The following MFAP2 variants were observed in gnomAD, a reference collection of about 807,000 sequenced individuals.
The protein encoded by MFAP2 is microfibrillar-associated protein 2.
A neutral mutation model predicts 30.6 loss-of-function variants in MFAP2; 23 were observed. The observed-to-expected ratio is 0.75, with a 90% CI of 0.54 to 1.07. The LOEUF (loss-of-function observed/expected upper bound fraction) is 1.07, where lower values mean the gene tolerates loss of function less well. Ranked by LOEUF, MFAP2 falls within the 50% of genes least tolerant of loss-of-function variation. The probability of loss-of-function intolerance (pLI) is 0.00; values close to 1 mark genes in which losing one functional copy is unlikely to be tolerated. For synonymous variants in MFAP2, 73 were observed against 85.7 expected (o/e 0.85, Z 0.82); for missense variants, 198 against 223.8 (o/e 0.88, Z 0.74).
chr1:16,976,358 A>T lies in MFAP2; in HGVS notation c.286+143T>A. ...GCTGCCTGGGGGGCCTGGTGATGCC[A>T]GCCTACGGCAGTCATACTGCCCACA... On this transcript the variant is annotated intron_variant, in intron 6 of 8. Transcript: ENST00000375535. This position sits in a 1 kb window ranked among gnomAD's most constrained non-coding sequence, Gnocchi z 5.5. 1 of 1,053,208 alleles carries T rather than the reference A, an allele frequency of 9.5e-7. No homozygotes were observed. Among genetic ancestry groups the T allele is most frequent in the Non-Finnish European group, 1.4e-6 (1 of 689,758 alleles). The allele number at this position is 1,053,208 out of a possible 1,614,324, so 65.2% of individuals were successfully genotyped here. A position where few individuals can be genotyped will look rare whatever the true frequency, so the allele number is the denominator to read the frequency against.
At position 16,980,375 on chromosome 1, in the gene MFAP2, G is replaced by A. The variant is rs55750792; in HGVS notation, c.-42+212C>T. ...GGCTCCCCCCAAACTCGGGCTCCCC[G>A]CCCTTCCCAATTCGCGTTCTCTCTG... is the stretch of plus-strand genomic sequence containing the variant. On this transcript the variant is annotated intron_variant, in intron 1 of 8. Transcript: ENST00000375535. Among the ~76,000 whole-genome samples the A allele has an allele frequency of 0.41, 61,387 of 150,196 alleles. 14,009 individuals are homozygous for A. The highest frequency in any genetic ancestry group is 0.52 in the Non-Finnish European group (35,154 of 67,552).
chr1:16,977,392 C>T (rs887812846), intron 2 of MFAP2, 194 bp from the exon 3 acceptor site: 1 of 594,296 alleles, frequency 1.7e-6, no homozygotes, highest in Non-Finnish European at 3.0e-6. Context: ...GGGTCACCTC[C>T]CTGACCTTAC....
intron 1 of MFAP2, 63 bp from the exon 2 acceptor site, chr1:16,978,377 T>C (rs2076610758): frequency 7.3e-7 from 1 of 1,368,302 alleles, no homozygotes. Flanking sequence ...GAGCTCACCT[T>C]TGATCCCCTG....
At chr1:16,980,054 C>A (rs1470795713) in intron 1 of MFAP2, among the ~76,000 whole-genome samples, 4 of 151,840 alleles carry the variant, frequency 2.6e-5, no homozygotes, top group African/African-American at 9.7e-5. Context: ...GGACAGGGGG[C>A]CCCGACGCTC....
chr1:16,980,242 T>A, intron 1 of MFAP2, among the ~76,000 whole-genome samples: 1 of 147,542 alleles, frequency 6.8e-6, no homozygotes, highest in Non-Finnish European at 1.5e-5. Flanking sequence ...TCTCTCTGCG[T>A]CTCTGTCTCG....
At chr1:16,981,089 T>C (rs1402104027), upstream of MFAP2, among the ~76,000 whole-genome samples, 1 of 152,198 alleles carries the variant, frequency 6.6e-6, no homozygotes, top group African/African-American at 2.4e-5. Context: ...CCTCCTCTCC[T>C]ACACTGCTGA....
Position 16,975,110 on chromosome 1 carries a change from T to C in MFAP2, c.449-87A>G, listed in dbSNP as rs950551576. ...TCCCCCAACTCTGGTGATGGGAGTGTTTTGAGGATGAAAAGTAGCAAGGAG... is the reference window on the plus strand; with the variant it reads ...TCCCCCAACTCTGGTGATGGGAGTGCTTTGAGGATGAAAAGTAGCAAGGAG... On this transcript the variant is annotated intron_variant, in intron 8 of 8. Transcript: ENST00000375535. The surrounding 1 kb of genome is among the most constrained non-coding windows in gnomAD (Gnocchi z 5.0). 2 of 1,363,396 alleles carry C rather than the reference T, an allele frequency of 1.5e-6. No individual in the cohort carries two copies. Among genetic ancestry groups the C allele is most frequent in the Admixed American group, 3.9e-5 (2 of 50,692 alleles). The allele number at this position is 1,363,396 out of a possible 1,614,324, so 84.5% of individuals were successfully genotyped here.
chr1:16,976,321 G>A lies in MFAP2; in HGVS notation c.286+180C>T. ...CAGCCAGGCACACTGGGGACAGGTG[G>A]GACCTCCTGGAGCTGCCTGGGGGGC... On this transcript the variant is annotated intron_variant, in intron 6 of 8. Coordinates refer to ENST00000375535, the MANE Select transcript of MFAP2 (RefSeq NM_002403.4). The surrounding 1 kb of genome is among the most constrained non-coding windows in gnomAD (Gnocchi z 5.5). The A allele has an allele frequency of 1.2e-5, 9 of 740,996 alleles. No individual in the cohort carries two copies. The South Asian group carries it at 1.5e-4, about 12-fold the overall frequency. 45.9% of individuals were successfully genotyped at this position (740,996 alleles called of 1,614,324 possible). A position where few individuals can be genotyped will look rare whatever the true frequency, so the allele number is the denominator to read the frequency against.
In MFAP2 at chr1:16,975,602, A is replaced by G. The variant is rs1034016067; in HGVS notation, c.374+41T>C. On this transcript the variant is annotated intron_variant, in intron 7 of 8. Transcript: ENST00000375535. This position sits in a 1 kb window ranked among gnomAD's most constrained non-coding sequence, Gnocchi z 5.0. ...TGTCCCCTGTGCCCTCTAGCCCCCC[A>G]TGCTCCGGAATCCTCCCGACAGCTG... is the stretch of plus-strand genomic sequence containing the variant. The G allele has an allele frequency of 5.6e-6, 9 of 1,596,720 alleles. No individual in the cohort carries two copies. Among genetic ancestry groups the G allele is most frequent in the South Asian group, 5.5e-5 (5 of 90,102 alleles).
chr1:16,981,566 A>G (rs1263638600), upstream of MFAP2, among the ~76,000 whole-genome samples: 2 of 152,348 alleles, frequency 1.3e-5, no homozygotes, highest in East Asian at 3.9e-4. Flanking sequence ...GGCCTAAGCC[A>G]CTGTGAGACC....
At position 16,975,766 on chromosome 1, in the gene MFAP2, TG is replaced by T. The variant is rs761276614; in HGVS notation, c.287-37del. The T allele has an allele frequency of 1.3e-6, 2 of 1,592,380 alleles. No individual in the cohort carries two copies. The highest frequency in any genetic ancestry group is 1.7e-6 in the Non-Finnish European group (2 of 1,164,536). On this transcript the variant is annotated intron_variant, in intron 6 of 8. Transcript: ENST00000375535. The surrounding 1 kb of genome is among the most constrained non-coding windows in gnomAD (Gnocchi z 5.0). Reference sequence around the variant, plus strand: ...GTGGGGTCAGACTAGGAGCCCAGAGTGGGGGGCGGCCCCCAGCCTCACCCAC... The same window carrying T: ...GTGGGGTCAGACTAGGAGCCCAGAGTGGGGGCGGCCCCCAGCCTCACCCAC...
chr1:16,977,485 A>C, intron 2 of MFAP2: 1 of 396,160 alleles, frequency 2.5e-6, no homozygotes, highest in South Asian at 3.6e-5. Flanking sequence ...TGCACCTGAC[A>C]CTCCCTGGGC....
At chr1:16,980,192 C>T (rs1241268198) in intron 1 of MFAP2, among the ~76,000 whole-genome samples, 1 of 151,904 alleles carries the variant, frequency 6.6e-6, no homozygotes, top group Admixed American at 6.5e-5. Context: ...CGGAAACTTG[C>T]TCCGCGCGCC....
At position 16,977,112 on chromosome 1, in the gene MFAP2, T is replaced by C. The variant is rs1400380500; in HGVS notation, c.124A>G (p.Ile42Val). 4 of 1,613,670 alleles carry C rather than the reference T, an allele frequency of 2.5e-6. No homozygotes were observed. The African/African-American group carries it at 5.3e-5, about 22-fold the overall frequency. ...GGTGACCCGGCAAGGCCCTTACCGA[T>C]CTGGTCGCTATAGTGGGTGTACTGG... ...HVQYTHYSDQ[I>V]DNPDYYDYQE... is the part of the protein sequence containing the mutation. The change falls in exon 3 of 9, where the codon ATC becomes GTC. Residue 42 changes from isoleucine to valine, a missense_variant. Physicochemically the swap from Ile to Val is conservative, Grantham distance 29. Coordinates refer to ENST00000375535, the MANE Select transcript of MFAP2 (RefSeq NM_002403.4).
chr1:16,980,087 G>A (rs1008467808), intron 1 of MFAP2, among the ~76,000 whole-genome samples: 4 of 152,018 alleles, frequency 2.6e-5, no homozygotes, highest in Non-Finnish European at 4.4e-5. Flanking sequence ...GACGGAGGGA[G>A]GGCTCTGCCG....
At position 16,974,887 on chromosome 1, in the gene MFAP2, A is replaced by G. The variant is rs1236126389; in HGVS notation, c.*33T>C. 1.6e-6 allele frequency: 1 copy of G among 615,174 alleles called. No homozygotes were observed. Among genetic ancestry groups the G allele is most frequent in the African/African-American group, 2.0e-5 (1 of 49,528 alleles). 38.1% of individuals were successfully genotyped at this position (615,174 alleles called of 1,614,324 possible). On this transcript the variant is annotated 3_prime_UTR_variant, in exon 9 of 9. Coordinates refer to ENST00000375535, the MANE Select transcript of MFAP2 (RefSeq NM_002403.4). ...GCAGGGCCCGAGGGCCCCAGATCCC[A>G]GGAGGGCCAGGACTCAGGATGCCAG...
Position 16,976,697 on chromosome 1 carries a change from C to G in MFAP2, c.241+11G>C, listed in dbSNP as rs2076594506. 2 of 1,613,536 alleles carry G rather than the reference C, an allele frequency of 1.2e-6. No individual in the cohort carries two copies. The highest frequency in any genetic ancestry group is 2.7e-5 in the African/African-American group (2 of 74,996). On this transcript the variant is annotated intron_variant, in intron 5 of 8. Transcript: ENST00000375535. This position sits in a 1 kb window ranked among gnomAD's most constrained non-coding sequence, Gnocchi z 5.5. ...GAGCTGAGACGGGTGGGAGCAGGGT[C>G]TGGGGCCTACCTGGGGTTGGGGCTG... is the stretch of plus-strand genomic sequence containing the variant.
At chr1:16,978,833 C>T (rs2076614252) in intron 1 of MFAP2, 1 of 153,084 alleles carries the variant, frequency 6.5e-6, no homozygotes, top group Admixed American at 6.5e-5. Flanking sequence ...CCCTAAGCAT[C>T]CTGCTCAGCA....
At chr1:16,979,377 C>A (rs2076618728) in intron 1 of MFAP2, among the ~76,000 whole-genome samples, 1 of 152,208 alleles carries the variant, frequency 6.6e-6, no homozygotes, top group Admixed American at 6.5e-5. Context: ...TAGCTGGAAA[C>A]CCCAACTTTG....
Sources: allele counts gnomAD v4.1 joint callset (sites outside exome capture counted in the v4.1 genomes callset), GRCh38; gene constraint gnomAD v4.1.1; non-coding constraint Gnocchi (gnomAD v3.1); transcripts MANE v1.5; gene names NCBI Gene and HGNC (gene_info 2026-07-23, HGNC 2026-07-21).